The following ATP8B4 variants were observed in gnomAD, a reference collection of about 807,000 sequenced individuals.
ATP8B4 encodes the protein probable phospholipid-transporting ATPase IM.
ATP8B4 carries 133 observed loss-of-function variants against 145.6 expected under a neutral mutation model. The observed-to-expected ratio is 0.91, with a 90% CI of 0.79 to 1.05. The LOEUF is 1.05. Ranked by LOEUF, ATP8B4 falls within the 50% of genes least tolerant of loss-of-function variation. The pLI, the probability that ATP8B4 is intolerant of heterozygous loss-of-function variation, is 0.00. For missense variants in ATP8B4, 1,458 were observed against 1,425.2 expected, an observed-to-expected ratio of 1.02 and a Z score of -0.37; for synonymous variants, 507 against 492.9, an observed-to-expected ratio of 1.03 and a Z score of -0.38.
chr15:50,056,723 A>T (rs2052631854), intron 3 of ATP8B4, among the ~76,000 whole-genome samples: 1 of 151,408 alleles, frequency 6.6e-6, no homozygotes, highest in Admixed American at 6.6e-5. Context: ...ATATACACAC[A>T]CACACACACA....
At chr15:50,052,585 C>T (rs148594586) in intron 3 of ATP8B4, among the ~76,000 whole-genome samples, 39 of 152,332 alleles carry the variant, frequency 2.6e-4, no homozygotes, top group African/African-American at 9.4e-4. Context: ...ATTGGCCCAT[C>T]GGGTCAATGA....
chr15:49,970,214 G>C (rs2044971089), intron 13 of ATP8B4, among the ~76,000 whole-genome samples: 1 of 152,150 alleles, frequency 6.6e-6, no homozygotes, highest in Non-Finnish European at 1.5e-5. Flanking sequence ...ACCAGCACAA[G>C]ACAAGGATGC....
At chr15:50,112,274 C>CG (rs1448785664) in intron 1 of ATP8B4, among the ~76,000 whole-genome samples, 1 of 152,134 alleles carries the variant, frequency 6.6e-6, no homozygotes, top group East Asian at 1.9e-4. Flanking sequence ...TGGCAGCCCC[C>CG]CTTGCTGGCC....
chr15:49,917,139 C>G, intron 19 of ATP8B4, 100 bp from the exon 20 acceptor site: 1 of 1,082,932 alleles, frequency 9.2e-7, no homozygotes. Flanking sequence ...TTCTTAAAGC[C>G]TACAGGGGGC....
chr15:50,124,338 C>A (rs1443457795), intron 1 of ATP8B4, among the ~76,000 whole-genome samples: 1 of 151,998 alleles, frequency 6.6e-6, no homozygotes, highest in Non-Finnish European at 1.5e-5. Context: ...AAACGACTGA[C>A]CCATTGTTGG....
At chr15:50,142,300 G>T (rs2044223121) in intron 1 of ATP8B4, among the ~76,000 whole-genome samples, 1 of 152,018 alleles carries the variant, frequency 6.6e-6, no homozygotes, top group African/African-American at 2.4e-5. Context: ...ACTTTTTATT[G>T]CAATATAATA....
At chr15:49,988,338 A>G (rs1052977358) in intron 9 of ATP8B4, among the ~76,000 whole-genome samples, 1 of 152,236 alleles carries the variant, frequency 6.6e-6, no homozygotes, top group Non-Finnish European at 1.5e-5. Context: ...GGACCCTGCC[A>G]CAAAACATAA....
At chr15:50,030,751 A>T (rs1052507415) in intron 6 of ATP8B4, among the ~76,000 whole-genome samples, 1 of 152,228 alleles carries the variant, frequency 6.6e-6, no homozygotes, top group East Asian at 1.9e-4. Flanking sequence ...ATAAACTTTA[A>T]AAAGAAATTA....
intron 14 of ATP8B4, among the ~76,000 whole-genome samples, chr15:49,950,602 ACAAACAAACAAACAAAC>A (rs1567059332): frequency 2.6e-5 from 3 of 115,936 alleles, no homozygotes; most frequent in Non-Finnish European, 1.8e-5. Flanking sequence ...AAAAAAAAAA[ACAAACAAACAAACAAAC>A]AAAAAAAACA....
chr15:50,038,510 T>C (rs1378872218), intron 6 of ATP8B4, among the ~76,000 whole-genome samples: 2 of 152,050 alleles, frequency 1.3e-5, no homozygotes, highest in Admixed American at 1.3e-4. Flanking sequence ...GATCTAGAAA[T>C]GGAAAGTGAC....
intron 1 of ATP8B4, among the ~76,000 whole-genome samples, chr15:50,133,068 C>T (rs2044070749): frequency 6.6e-6 from 1 of 152,032 alleles, no homozygotes. Flanking sequence ...ATGTAACAAA[C>T]CTGCACATTC....
At chr15:49,974,144 G>T (rs945717920) in intron 12 of ATP8B4, among the ~76,000 whole-genome samples, 1 of 147,682 alleles carries the variant, frequency 6.8e-6, no homozygotes, top group Admixed American at 6.8e-5. Context: ...GTGCAACGGC[G>T]CAATCTCGGC....
At chr15:50,042,332 T>G (rs2051358388) in intron 5 of ATP8B4, among the ~76,000 whole-genome samples, 1 of 152,174 alleles carries the variant, frequency 6.6e-6, no homozygotes, top group Non-Finnish European at 1.5e-5. Flanking sequence ...ATGACTTGCA[T>G]CAAATTGTTG....
intron 2 of ATP8B4, among the ~76,000 whole-genome samples, chr15:50,095,350 G>A (rs1251207977): frequency 6.6e-6 from 1 of 152,148 alleles, no homozygotes; most frequent in East Asian, 1.9e-4. Context: ...ATATTTGATT[G>A]TTTTTAAGGT....
At chr15:49,899,043 T>G (rs2037735951) in intron 21 of ATP8B4, among the ~76,000 whole-genome samples, 3 of 152,272 alleles carry the variant, frequency 2.0e-5, no homozygotes, top group Admixed American at 2.0e-4. Context: ...TATCTTTGAG[T>G]GAATCTTTAG....
chr15:50,038,727 C>T (rs1216295121), intron 6 of ATP8B4, 41 bp downstream of exon 6: 1 of 1,515,716 alleles, frequency 6.6e-7, no homozygotes, highest in East Asian at 2.3e-5. Context: ...GTTTCAGGGT[C>T]CTAGAAATTT....
intron 25 of ATP8B4, among the ~76,000 whole-genome samples, chr15:49,875,614 C>T (rs1319933044): frequency 6.6e-6 from 1 of 152,218 alleles, no homozygotes; most frequent in African/African-American, 2.4e-5. Flanking sequence ...TGAGCAATTA[C>T]TTAAGCCCAG....
chr15:49,862,221 G>A, intron 27 of ATP8B4, 24 bp downstream of exon 27: 1 of 1,604,542 alleles, frequency 6.2e-7, no homozygotes, highest in South Asian at 1.1e-5. Flanking sequence ...CAGCCTTCAA[G>A]TATTCATCAG....
chr15:50,162,121 A>G (rs528253255), intron 1 of ATP8B4, among the ~76,000 whole-genome samples: 1 of 152,228 alleles, frequency 6.6e-6, no homozygotes, highest in East Asian at 1.9e-4. Context: ...TTCCACTGAA[A>G]AGTCTGCTAC....
Sources: allele counts gnomAD v4.1 joint callset (sites outside exome capture counted in the v4.1 genomes callset), GRCh38; gene constraint gnomAD v4.1.1; transcripts MANE v1.5; gene names NCBI Gene and HGNC (gene_info 2026-07-23, HGNC 2026-07-21).